Variants in INTS6 observed in about 807,000 individuals in gnomAD.
The protein encoded by INTS6 is integrator complex subunit 6.
In INTS6, 16 loss-of-function variants were observed where a neutral mutation model predicts 104.9. The ratio of observed to expected loss-of-function variants is 0.15; its 90% confidence interval spans 0.10 to 0.23. The LOEUF is 0.23. INTS6 is among the 10% of genes least tolerant of loss of function. The probability of loss-of-function intolerance (pLI) is 1.00; values close to 1 mark genes in which losing one functional copy is unlikely to be tolerated. For missense variants in INTS6, 584 were observed against 1,062.8 expected (o/e 0.55, Z 6.26); for synonymous variants, 324 against 358.7 (o/e 0.90, Z 1.09).
intron 3 of INTS6, chr13:51,445,017 ATCT>A (rs1173513774): frequency 1.3e-5 from 2 of 152,138 alleles, no homozygotes; most frequent in African/African-American, 2.4e-5. Flanking sequence ...GCTCAGTTAA[ATCT>A]TATTAAACTA....
At chr13:51,397,003 A>C (rs1956351392) in intron 4 of INTS6, among the ~76,000 whole-genome samples, 1 of 152,228 alleles carries the variant, frequency 6.6e-6, no homozygotes, top group Non-Finnish European at 1.5e-5. Flanking sequence ...TAAAAATAAA[A>C]TCAAGACTCA....
chr13:51,362,172 A>G lies in INTS6; in HGVS notation c.*3580T>C. 1.3e-6 allele frequency: 1 copy of G among 796,632 alleles called. No individual in the cohort carries two copies. The highest frequency in any genetic ancestry group is 3.3e-5 in the East Asian group (1 of 30,442). The allele number at this position is 796,632 out of a possible 1,614,324, so 49.3% of individuals were successfully genotyped here. ...TTAATGCTATAGGTTTCTACTTCTGAAGACACTTGGAAAAATCATGAAAGT... is the reference window on the plus strand; with the variant it reads ...TTAATGCTATAGGTTTCTACTTCTGGAGACACTTGGAAAAATCATGAAAGT... On this transcript the variant is annotated 3_prime_UTR_variant, in exon 18 of 18. Transcript: ENST00000311234.
At chr13:51,349,477 T>A (rs1955384560), downstream of INTS6, among the ~76,000 whole-genome samples, 1 of 152,208 alleles carries the variant, frequency 6.6e-6, no homozygotes, top group Non-Finnish European at 1.5e-5. Context: ...GAAGCAACCC[T>A]AATCTTCCTA....
intron 3 of INTS6, chr13:51,447,876 T>C (rs756984110): frequency 8.6e-5 from 13 of 151,390 alleles, no homozygotes; most frequent in Non-Finnish European, 1.6e-4. Context: ...CTGACCAACA[T>C]AGAGAAACCC....
intron 13 of INTS6, 35 bp downstream of exon 13, chr13:51,376,013 A>C: frequency 6.4e-7 from 1 of 1,551,232 alleles, no homozygotes; most frequent in Non-Finnish European, 8.7e-7. Flanking sequence ...AAAGAAAAAA[A>C]ATTAAAAATA....
chr13:51,389,904 A>AT (rs1484465466), intron 5 of INTS6, among the ~76,000 whole-genome samples: 1 of 152,138 alleles, frequency 6.6e-6, no homozygotes, highest in Non-Finnish European at 1.5e-5. Context: ...TACTGTGCAC[A>AT]TAGTAGGTAT....
chr13:51,334,846 G>A, the INTS6 span, among the ~76,000 whole-genome samples: 8 of 152,090 alleles, frequency 5.3e-5, no homozygotes, highest in Admixed American at 2.6e-4. Flanking sequence ...AGCTGGGCAT[G>A]GTGGCAGGCA....
rs772995342 is a variant in INTS6 at position 51,430,403 on chromosome 13, T to G, written c.340-20A>C. 1.3e-6 allele frequency: 2 copies of G among 1,582,632 alleles called. No homozygotes were observed. The highest frequency in any genetic ancestry group is 3.4e-5 in the Admixed American group (2 of 58,536). ...TCTTCCCTAAAGTCAAAAAACACAT[T>G]GATCATACAAAGATTTAGACTTTGG... On this transcript the variant is annotated intron_variant, in intron 3 of 17. Transcript: ENST00000311234.
At chr13:51,440,539 C>G (rs775166538) in intron 3 of INTS6, 1 of 152,218 alleles carries the variant, frequency 6.6e-6, no homozygotes, top group African/African-American at 2.4e-5. Flanking sequence ...CTCACTCACC[C>G]ACCCAGAGCA....
intron 10 of INTS6, among the ~76,000 whole-genome samples, chr13:51,381,633 A>C (rs747437318): frequency 2.0e-5 from 3 of 152,148 alleles, no homozygotes; most frequent in Admixed American, 2.0e-4. Flanking sequence ...TTAATCTATA[A>C]AAGCAATAAA....
intron 7 of INTS6, among the ~76,000 whole-genome samples, chr13:51,386,775 GA>G (rs558901787): frequency 1.3e-5 from 2 of 151,658 alleles, no homozygotes; most frequent in African/African-American, 2.4e-5. Flanking sequence ...AAAAAATATG[GA>G]AAAAAAGAGT....
At chr13:51,354,948 G>T in intron 3 of INTS6, 1 of 663,590 alleles carries the variant, frequency 1.5e-6, no homozygotes, top group South Asian at 1.9e-5. Context: ...GAGCCAGCCT[G>T]ACTTCCAAGT....
intron 4 of INTS6, among the ~76,000 whole-genome samples, chr13:51,425,478 G>C (rs1330981456): frequency 6.6e-6 from 1 of 152,068 alleles, no homozygotes; most frequent in East Asian, 1.9e-4. Flanking sequence ...CATTGGTAAA[G>C]AGATGCAGAA....
chr13:51,346,879 T>C, the INTS6 span: 2 of 625,428 alleles, frequency 3.2e-6, no homozygotes, highest in Non-Finnish European at 5.7e-6. Flanking sequence ...TAAAAAGATA[T>C]TGTAAGATGA....
At chr13:51,443,224 TTTC>T (rs1197387221) in intron 3 of INTS6, 2 of 152,338 alleles carry the variant, frequency 1.3e-5, no homozygotes, top group East Asian at 3.9e-4. Context: ...TTCTATGCCT[TTTC>T]TTCACCTACA....
chr13:51,401,589 CAAT>C (rs1956441536), intron 4 of INTS6, among the ~76,000 whole-genome samples: 2 of 152,102 alleles, frequency 1.3e-5, no homozygotes, highest in Admixed American at 6.5e-5. Context: ...CCATTAATAA[CAAT>C]AATACTTTTA....
intron 4 of INTS6, among the ~76,000 whole-genome samples, chr13:51,424,275 A>G (rs550360996): frequency 1.3e-5 from 2 of 152,172 alleles, no homozygotes; most frequent in South Asian, 4.1e-4. Context: ...TACTGTGGCC[A>G]TACAGCTTTG....
At chr13:51,435,609 G>GA (rs1223537206) in intron 3 of INTS6, among the ~76,000 whole-genome samples, 1 of 151,572 alleles carries the variant, frequency 6.6e-6, no homozygotes, top group Non-Finnish European at 1.5e-5. Context: ...AACAAATTTT[G>GA]AAAAAAAATT....
Position 51,362,025 on chromosome 13 carries a change from C to G in INTS6, c.*3727G>C. 6.2e-7 allele frequency: 1 copy of G among 1,602,538 alleles called. No individual in the cohort carries two copies. Among genetic ancestry groups the G allele is most frequent in the Non-Finnish European group, 8.5e-7 (1 of 1,175,598 alleles). On this transcript the variant is annotated 3_prime_UTR_variant, in exon 18 of 18. Coordinates refer to ENST00000311234, the MANE Select transcript of INTS6 (RefSeq NM_012141.3). ...GTTTTTATGGTGCTTCAGAAGCTACCCAGTTGCTATCTTCTATCCTAAGAA... is the reference window on the plus strand; with the variant it reads ...GTTTTTATGGTGCTTCAGAAGCTACGCAGTTGCTATCTTCTATCCTAAGAA...
Sources: gnomAD v4.1 joint callset for allele counts (sites outside exome capture counted in the v4.1 genomes callset) on GRCh38, gnomAD v4.1.1 for gene constraint, MANE v1.5 for transcripts, NCBI Gene and HGNC (gene_info 2026-07-23, HGNC 2026-07-21) for gene names.